The following SLC18B1 variants were observed in gnomAD, a reference collection of about 807,000 sequenced individuals.
SLC18B1 encodes MFS-type transporter SLC18B1.
SLC18B1 carries 62 observed loss-of-function variants against 53.9 expected under a neutral mutation model. That is an observed-to-expected ratio of 1.15 (90% CI 0.94 to 1.42). The LOEUF (loss-of-function observed/expected upper bound fraction) is 1.42, where lower values mean the gene tolerates loss of function less well. Ranked by LOEUF, SLC18B1 falls within the 40% of genes most tolerant of loss-of-function variation. The pLI is 0.00. For synonymous variants in SLC18B1, 217 were observed against 200.9 expected (o/e 1.08, Z -0.68); for missense variants, 598 against 547.3 (o/e 1.09, Z -0.93).
At chr6:132,795,004 CA>C (rs920593881) in intron 2 of SLC18B1, among the ~76,000 whole-genome samples, 33 of 149,988 alleles carry the variant, frequency 2.2e-4, no homozygotes, top group Non-Finnish European at 4.2e-4. Flanking sequence ...AACCCTGTCT[CA>C]AAAAAAAAGC....
At chr6:132,785,115 CTCAGTGTGTGTGTGTG>C (rs956851639) in intron 5 of SLC18B1, among the ~76,000 whole-genome samples, 2 of 144,324 alleles carry the variant, frequency 1.4e-5, no homozygotes, top group African/African-American at 5.3e-5. Context: ...CTCTCTCTCT[CTCAGTGTGTGTGTGTG>C]TGTGTGTGTG....
chr6:132,780,969 G>A (rs1781221484), intron 6 of SLC18B1, among the ~76,000 whole-genome samples: 1 of 152,116 alleles, frequency 6.6e-6, no homozygotes. Context: ...TTAGAAAGAG[G>A]AGAAACACCA....
chr6:132,780,105 T>C (rs556688482), intron 6 of SLC18B1, among the ~76,000 whole-genome samples: 71 of 151,840 alleles, frequency 4.7e-4, no homozygotes, highest in African/African-American at 1.7e-3. Context: ...TTTTTCTTTT[T>C]TTTTTTTAAG....
intron 10 of SLC18B1, 145 bp from the exon 11 acceptor site, chr6:132,772,351 C>A: frequency 2.1e-6 from 1 of 471,894 alleles, no homozygotes; most frequent in Non-Finnish European, 3.7e-6. Context: ...AGATAAAAAG[C>A]AAATCTTATT....
At chr6:132,790,777 C>T (rs1781503041) in intron 2 of SLC18B1, among the ~76,000 whole-genome samples, 1 of 152,170 alleles carries the variant, frequency 6.6e-6, no homozygotes, top group Admixed American at 6.5e-5. Flanking sequence ...GACAGTAATA[C>T]CAATTACCTG....
intron 2 of SLC18B1, among the ~76,000 whole-genome samples, chr6:132,791,593 G>C (rs1168189766): frequency 6.6e-6 from 1 of 152,084 alleles, no homozygotes; most frequent in Non-Finnish European, 1.5e-5. Flanking sequence ...TTTTAGGAAG[G>C]ATCTCTCTCT....
intron 8 of SLC18B1, among the ~76,000 whole-genome samples, chr6:132,775,707 C>T (rs1344948582): frequency 1.3e-5 from 2 of 152,074 alleles, no homozygotes; most frequent in African/African-American, 4.8e-5. Context: ...TTTTGTTTTG[C>T]TTTTCTTTTT....
chr6:132,790,313 T>A (rs1046144548), intron 2 of SLC18B1, 41 bp from the exon 3 acceptor site: 21 of 1,407,986 alleles, frequency 1.5e-5, no homozygotes, highest in Non-Finnish European at 2.0e-5. Context: ...CAAAGAAAAA[T>A]TAGATCAATA....
intron 13 of SLC18B1, 116 bp downstream of exon 13, chr6:132,770,774 G>A (rs1780949063): frequency 1.0e-6 from 1 of 974,616 alleles, no homozygotes; most frequent in Non-Finnish European, 1.6e-6. Context: ...CAACTGATGA[G>A]CCTCAGAGTG....
rs1781047415 is a variant in SLC18B1, at chr6:132,774,267, C to T, written c.944G>A (p.Gly315Glu). The change falls in exon 9 of 14, where the codon GGG becomes GAG. Residue 315 changes from glycine to glutamate, a missense_variant. By Grantham distance (98) the Gly-to-Glu change is moderately conservative. Transcript: ENST00000275227. The part of the protein sequence containing the change: ...LLVFGNLITA[G>E]CYMLLGPVPI... ...GACAGGCCCTAAGAGCATGTAGCAC[C>T]CGGCTGTGATTAAGTTGCCAAACAC... 1.2e-6 allele frequency: 2 copies of T among 1,613,404 alleles called. No individual in the cohort carries two copies. Among genetic ancestry groups the T allele is most frequent in the Non-Finnish European group, 1.7e-6 (2 of 1,179,632 alleles).
intron 10 of SLC18B1, 83 bp downstream of exon 10, chr6:132,772,910 T>C (rs1781011747): frequency 1.0e-6 from 1 of 978,984 alleles, no homozygotes; most frequent in East Asian, 2.4e-5. Context: ...TCCAACATGC[T>C]GCAAAATTGA....
At chr6:132,785,955 G>T (rs1329035689) in intron 5 of SLC18B1, among the ~76,000 whole-genome samples, 2 of 148,612 alleles carry the variant, frequency 1.3e-5, no homozygotes, top group Non-Finnish European at 3.0e-5. Flanking sequence ...GAAAAAAAAT[G>T]GTTCCATAGT....
intron 2 of SLC18B1, among the ~76,000 whole-genome samples, chr6:132,792,921 C>T (rs1286176310): frequency 6.6e-6 from 1 of 152,142 alleles, no homozygotes; most frequent in East Asian, 1.9e-4. Flanking sequence ...GAGTTCGAGA[C>T]CAGCCTGGCC....
At chr6:132,772,696 G>A (rs1163119150) in intron 10 of SLC18B1, among the ~76,000 whole-genome samples, 1 of 152,136 alleles carries the variant, frequency 6.6e-6, no homozygotes, top group Non-Finnish European at 1.5e-5. Context: ...CTCCATGAAA[G>A]AGGAACAATG....
chr6:132,789,807 C>G lies in SLC18B1; in HGVS notation c.310G>C (p.Val104Leu), dbSNP rs545976939. 1 of 1,613,468 alleles carries G rather than the reference C, an allele frequency of 6.2e-7. No individual in the cohort carries two copies. The highest frequency in any genetic ancestry group is 1.1e-5 in the South Asian group (1 of 91,060). ...CCTCCTGAGACAAACATTCCTGCTACAAACATAAATTTTGCTCCAATATGT... is the reference window on the plus strand; with the variant it reads ...CCTCCTGAGACAAACATTCCTGCTAGAAACATAAATTTTGCTCCAATATGT... ...LVHIGAKFMF[V>L]AGMFVSGGVT... The change falls in exon 4 of 14, where the codon GTA becomes CTA. Residue 104 changes from valine to leucine, a missense_variant. Transcript: ENST00000275227.
At chr6:132,783,255 C>A (rs1197012261) in intron 6 of SLC18B1, among the ~76,000 whole-genome samples, 1 of 152,060 alleles carries the variant, frequency 6.6e-6, no homozygotes, top group East Asian at 1.9e-4. Context: ...CAGCTCACTG[C>A]AACCTCCACC....
intron 9 of SLC18B1, 54 bp downstream of exon 9, chr6:132,774,168 C>A (rs138024168): frequency 2.1e-6 from 3 of 1,402,910 alleles, no homozygotes; most frequent in East Asian, 2.4e-5. Flanking sequence ...CAAAATTTTT[C>A]GAAATAATTC....
intron 2 of SLC18B1, among the ~76,000 whole-genome samples, chr6:132,792,225 C>CAAGAGAGAAAGAA (rs553756627): frequency 4.5e-5 from 2 of 44,534 alleles, no homozygotes; most frequent in African/African-American, 1.5e-4. Context: ...AAGACACTGT[C>CAAGAGAGAAAGAA]AGAAAGAAAG....
At position 132,772,199 on chromosome 6, in the gene SLC18B1, C is replaced by G. The variant is rs2114658886; in HGVS notation, c.1093G>C (p.Gly365Arg). ...AATGTACTTAATCCCTCTTCAAACC[C>G]ATTTTCACTGCAAAAAGAGACATGA... ...PEILSCAHEN[G>R]FEEGLSTLGL... The change falls in exon 11 of 14, where the codon GGG (glycine) becomes CGG (arginine). Residue 365 changes from glycine to arginine, a missense_variant. By Grantham distance (125) the Gly-to-Arg change is moderately radical. Coordinates refer to ENST00000275227, the MANE Select transcript of SLC18B1 (RefSeq NM_052831.3). The G allele has an allele frequency of 6.4e-7, 1 of 1,562,830 alleles. No individual in the cohort carries two copies. The highest frequency in any genetic ancestry group is 8.6e-7 in the Non-Finnish European group (1 of 1,162,166).
Sources: allele counts gnomAD v4.1 joint callset (sites outside exome capture counted in the v4.1 genomes callset), GRCh38; gene constraint gnomAD v4.1.1; transcripts MANE v1.5; gene names NCBI Gene and HGNC (gene_info 2026-07-23, HGNC 2026-07-21).